The following CSMD1 variants were observed in gnomAD, a reference collection of about 807,000 sequenced individuals.
The protein encoded by CSMD1 is CUB and Sushi multiple domains 1, also known as CUB and sushi domain-containing protein 1.
CSMD1 carries 213 observed loss-of-function variants against 417.5 expected under a neutral mutation model. The observed-to-expected ratio is 0.51, with a 90% CI of 0.46 to 0.57. CSMD1 has a LOEUF of 0.57. Ranked by LOEUF, CSMD1 falls within the 20% of genes least tolerant of loss-of-function variation. The probability of loss-of-function intolerance (pLI) is 0.00; values close to 1 mark genes in which losing one functional copy is unlikely to be tolerated. For missense variants in CSMD1, 6,923 were observed against 4,529.7 expected (o/e 1.53, Z -15.17); for synonymous variants, 2,862 against 1,736.8 (o/e 1.65, Z -16.11).
chr8:3,370,096 T>A (rs1360804170), intron 18 of CSMD1, among the ~76,000 whole-genome samples: 1 of 152,230 alleles, frequency 6.6e-6, no homozygotes, highest in East Asian at 1.9e-4. Flanking sequence ...CAAAACGTTA[T>A]CTACTGAGAG....
intron 3 of CSMD1, among the ~76,000 whole-genome samples, chr8:4,254,589 C>A (rs186742159): frequency 6.6e-6 from 1 of 152,184 alleles, no homozygotes; most frequent in Non-Finnish European, 1.5e-5. Context: ...CATTCACTCA[C>A]CACTCACTTG....
At chr8:2,983,335 C>T (rs1044653734) in intron 54 of CSMD1, among the ~76,000 whole-genome samples, 1 of 151,890 alleles carries the variant, frequency 6.6e-6, no homozygotes, top group Non-Finnish European at 1.5e-5. Flanking sequence ...TACAGGCACC[C>T]GCCACCATGC....
intron 54 of CSMD1, among the ~76,000 whole-genome samples, chr8:2,994,113 T>A (rs1411904191): frequency 3.6e-5 from 4 of 110,856 alleles, no homozygotes; most frequent in Admixed American, 2.8e-4. Flanking sequence ...GCCATTGCAC[T>A]CCAGCCTGGG....
chr8:4,331,945 G>A (rs1218195966), intron 3 of CSMD1, among the ~76,000 whole-genome samples: 1 of 152,102 alleles, frequency 6.6e-6, no homozygotes, highest in Non-Finnish European at 1.5e-5. Context: ...CATGACCATG[G>A]CATTGGAATT....
At chr8:4,273,827 A>G (rs1804754001) in intron 3 of CSMD1, among the ~76,000 whole-genome samples, 1 of 152,160 alleles carries the variant, frequency 6.6e-6, no homozygotes, top group Non-Finnish European at 1.5e-5. Context: ...TCACTTCTCC[A>G]AATGGTTGTG....
chr8:4,480,200 AC>A lies in CSMD1; in HGVS notation c.303-60136del, dbSNP rs1345030244. ...ATTGTTATCTCACAAAAAAAAAAAA[AC>A]AAAAAAAAACCGAGAAGGAAATTAC... On this transcript the variant is annotated intron_variant, in intron 2 of 69. Coordinates refer to ENST00000635120, the MANE Select transcript of CSMD1 (RefSeq NM_033225.6). Among the ~76,000 whole-genome samples, 7 of 150,184 alleles carry A rather than the reference AC, an allele frequency of 4.7e-5. No homozygotes were observed. The South Asian group carries it at 6.3e-4, about 14-fold the overall frequency.
chr8:4,866,878 T>C (rs746677769), intron 1 of CSMD1, among the ~76,000 whole-genome samples: 1 of 152,018 alleles, frequency 6.6e-6, no homozygotes, highest in Non-Finnish European at 1.5e-5. Context: ...TTTTACATTT[T>C]GTGACCTCCT....
chr8:4,783,783 T>C (rs1353182341), intron 1 of CSMD1, among the ~76,000 whole-genome samples: 2 of 152,184 alleles, frequency 1.3e-5, no homozygotes, highest in South Asian at 4.1e-4. Context: ...GCCTCATTTG[T>C]AACTGTGGAG....
In CSMD1 at chr8:4,774,122, C is replaced by G. The variant is rs528176828; in HGVS notation, c.86-136564G>C. Among the ~76,000 whole-genome samples, 11 of 152,288 alleles carry G rather than the reference C, an allele frequency of 7.2e-5. No individual in the cohort carries two copies. In the East Asian group the frequency reaches 1.9e-3, roughly 27 times the overall value. On this transcript the variant is annotated intron_variant, in intron 1 of 69. Coordinates refer to ENST00000635120, the MANE Select transcript of CSMD1 (RefSeq NM_033225.6). ...TGAGGCAGGAGAGGGTTCACTTGAA[C>G]CCAGGAGGTGGAGGTGGCAGTGAGC...
At chr8:4,672,155 A>G (rs917460419) in intron 1 of CSMD1, among the ~76,000 whole-genome samples, 7 of 152,184 alleles carry the variant, frequency 4.6e-5, no homozygotes, top group African/African-American at 1.7e-4. Flanking sequence ...ACAGTGAAAT[A>G]CCTGCTGGCT....
chr8:3,996,704 T>C (rs557381160), intron 5 of CSMD1, among the ~76,000 whole-genome samples: 7 of 152,256 alleles, frequency 4.6e-5, no homozygotes, highest in East Asian at 1.9e-4. Flanking sequence ...ATGAAAAAAA[T>C]TGAAAACAAA....
chr8:3,249,611 CAT>C (rs1177399308), intron 26 of CSMD1, among the ~76,000 whole-genome samples: 1 of 152,044 alleles, frequency 6.6e-6, no homozygotes, highest in African/African-American at 2.4e-5. Flanking sequence ...CACACACACA[CAT>C]ATATACATAT....
intron 2 of CSMD1, among the ~76,000 whole-genome samples, chr8:4,587,476 T>C (rs899256305): frequency 6.6e-6 from 1 of 151,970 alleles, no homozygotes; most frequent in Admixed American, 6.6e-5. Context: ...TAGATACATA[T>C]GTATATGTAC....
intron 5 of CSMD1, among the ~76,000 whole-genome samples, chr8:3,935,682 T>A (rs1810446121): frequency 6.6e-6 from 1 of 152,198 alleles, no homozygotes; most frequent in Admixed American, 6.5e-5. Context: ...GTGTTCTGAC[T>A]GCTCCACTGA....
At chr8:4,833,524 C>T (rs1800277300) in intron 1 of CSMD1, among the ~76,000 whole-genome samples, 1 of 152,214 alleles carries the variant, frequency 6.6e-6, no homozygotes. Context: ...CAAACCCTAT[C>T]ACCCACTAAC....
At chr8:3,985,449 G>A (rs531747210) in intron 5 of CSMD1, among the ~76,000 whole-genome samples, 14 of 151,928 alleles carry the variant, frequency 9.2e-5, no homozygotes, top group Middle Eastern at 3.2e-3. Flanking sequence ...ACACCTGGGC[G>A]TGCACACTCA....
At chr8:4,308,098 A>T in intron 3 of CSMD1, among the ~76,000 whole-genome samples, 1 of 152,292 alleles carries the variant, frequency 6.6e-6, no homozygotes, top group Non-Finnish European at 1.5e-5. Context: ...ACAGTGGCAG[A>T]AGTGGAGAGG....
chr8:4,959,844 T>C, intron 1 of CSMD1, among the ~76,000 whole-genome samples: 1 of 152,200 alleles, frequency 6.6e-6, no homozygotes, highest in Non-Finnish European at 1.5e-5. Context: ...CATTTAACAG[T>C]CTCTGTGAAA....
chr8:4,717,346 T>TATATATATATAC (rs1808732072), intron 1 of CSMD1, among the ~76,000 whole-genome samples: 1 of 138,486 alleles, frequency 7.2e-6, no homozygotes, highest in African/African-American at 2.9e-5. Context: ...CACGTATATA[T>TATATATATATAC]ACACACACAT....
Sources: gnomAD v4.1 joint callset for allele counts (sites outside exome capture counted in the v4.1 genomes callset) on GRCh38, gnomAD v4.1.1 for gene constraint, MANE v1.5 for transcripts, NCBI Gene and HGNC (gene_info 2026-07-23, HGNC 2026-07-21) for gene names.